Variants in LRRIQ4 observed in about 807,000 individuals in gnomAD.
The protein encoded by LRRIQ4 is leucine rich repeats and IQ motif containing 4.
Under a neutral mutation model 40.1 loss-of-function variants are expected in LRRIQ4, and 21 were observed. That is an observed-to-expected ratio of 0.52 (90% confidence interval 0.37 to 0.75). LRRIQ4 has a LOEUF of 0.75. Ranked by LOEUF, LRRIQ4 falls within the 30% of genes least tolerant of loss-of-function variation. The pLI, the probability that LRRIQ4 is intolerant of heterozygous loss-of-function variation, is 0.00. For synonymous variants in LRRIQ4, 277 were observed against 277.1 expected (o/e 1.00, Z 0.00); for missense variants, 655 against 660.0 (o/e 0.99, Z 0.08).
intron 4 of LRRIQ4, among the ~76,000 whole-genome samples, chr3:169,831,537 C>T (rs182467153): frequency 2.2e-5 from 3 of 134,228 alleles, no homozygotes; most frequent in Admixed American, 8.0e-5. Context: ...CTCCTGACCT[C>T]GTGATCTGCC....
intron 2 of LRRIQ4, among the ~76,000 whole-genome samples, chr3:169,827,287 A>G (rs1423011999): frequency 6.6e-6 from 1 of 152,124 alleles, no homozygotes; most frequent in Non-Finnish European, 1.5e-5. Context: ...AACACAGTCA[A>G]TAGGGTGATT....
chr3:169,834,085 G>A (rs942170796), intron 5 of LRRIQ4, among the ~76,000 whole-genome samples: 2 of 152,204 alleles, frequency 1.3e-5, no homozygotes, highest in Non-Finnish European at 2.9e-5. Flanking sequence ...TTTCAGGCCT[G>A]GCGCGGTGGC....
intron 3 of LRRIQ4, 27 bp downstream of exon 3, chr3:169,828,959 A>G: frequency 6.3e-7 from 1 of 1,580,322 alleles, no homozygotes; most frequent in African/African-American, 1.4e-5. Context: ...GAGCAGGCTA[A>G]GAAGCACCTG....
Position 169,822,543 on chromosome 3 carries a change from G to A in LRRIQ4, c.622G>A (p.Gly208Arg). The change falls in exon 2 of 6, where the codon GGA becomes AGA. Residue 208 changes from glycine to arginine, a missense_variant. Transcript: ENST00000340806. ...AATAGGTGCCATCCCAGAAGAGATCGGACACCTGACGGGGCTGCAGAAGTT... is the reference window on the plus strand; with the variant it reads ...AATAGGTGCCATCCCAGAAGAGATCAGACACCTGACGGGGCTGCAGAAGTT... Reference protein sequence around the residue: ...NKIGAIPEEIGHLTGLQKFYM... With the variant: ...NKIGAIPEEIRHLTGLQKFYM... The A allele has an allele frequency of 2.5e-6, 4 of 1,613,870 alleles. No individual in the cohort carries two copies. Among genetic ancestry groups the A allele is most frequent in the Non-Finnish European group, 3.4e-6 (4 of 1,179,836 alleles).
At chr3:169,814,236 A>G (rs1316246458) in intron 1 of LRRIQ4, among the ~76,000 whole-genome samples, 2 of 152,048 alleles carry the variant, frequency 1.3e-5, no homozygotes, top group Non-Finnish European at 2.9e-5. Context: ...TGGAGTGGAA[A>G]GGTGGTTTTC....
intron 1 of LRRIQ4, among the ~76,000 whole-genome samples, chr3:169,820,577 C>T (rs1381209031): frequency 1.3e-5 from 2 of 148,724 alleles, no homozygotes; most frequent in African/African-American, 5.0e-5. Context: ...CGCTCTGTCG[C>T]CCAGGCTGGA....
At chr3:169,824,989 C>T (rs867831851) in intron 2 of LRRIQ4, among the ~76,000 whole-genome samples, 5 of 150,038 alleles carry the variant, frequency 3.3e-5, no homozygotes, top group African/African-American at 9.9e-5. Flanking sequence ...CTGGGCCTTA[C>T]GGATTTATTT....
At chr3:169,832,896 T>C in intron 4 of LRRIQ4, 91 bp from the exon 5 acceptor site, 28 of 1,143,348 alleles carry the variant, frequency 2.4e-5, no homozygotes, top group Non-Finnish European at 3.4e-5. Context: ...AAATGCAGAA[T>C]TGGATCCCTC....
chr3:169,835,581 C>A (rs999605775), intron 5 of LRRIQ4, among the ~76,000 whole-genome samples: 6 of 152,076 alleles, frequency 3.9e-5, no homozygotes, highest in African/African-American at 1.4e-4. Flanking sequence ...TGTCTTCAAC[C>A]TATCCATGCC....
At chr3:169,821,846 G>A (rs1451219705) in intron 1 of LRRIQ4, 45 bp from the exon 2 acceptor site, 2 of 1,002,384 alleles carry the variant, frequency 2.0e-6, no homozygotes, top group African/African-American at 3.4e-5. Flanking sequence ...CAAGTCTGGT[G>A]GCAGGTAAAT....
chr3:169,823,072 C>A, intron 2 of LRRIQ4, 131 bp downstream of exon 2: 1 of 698,424 alleles, frequency 1.4e-6, no homozygotes, highest in Non-Finnish European at 2.3e-6. Context: ...AAATATCCAA[C>A]AAGGTGATAC....
At chr3:169,818,797 G>A (rs1304283763) in intron 1 of LRRIQ4, among the ~76,000 whole-genome samples, 6 of 152,196 alleles carry the variant, frequency 3.9e-5, no homozygotes, top group Non-Finnish European at 1.5e-5. Context: ...AAGTTCTGCT[G>A]AGTGAAGTTT....
Position 169,822,837 on chromosome 3 carries a change from C to T in LRRIQ4, c.916C>T (p.Arg306Cys). ...RGSFRCLVNLRFLDLSQNHLH... is the reference protein window; with the variant it reads ...RGSFRCLVNLCFLDLSQNHLH... ...CTCCTTCAGGTGCCTGGTCAACTTGCGCTTCCTGGACCTAAGCCAGAACCA... is the reference window on the plus strand; with the variant it reads ...CTCCTTCAGGTGCCTGGTCAACTTGTGCTTCCTGGACCTAAGCCAGAACCA... The change falls in exon 2 of 6, where the codon CGC (arginine) becomes TGC (cysteine). Residue 306 changes from arginine (R) to cysteine (C), a missense_variant. Coordinates refer to ENST00000340806, the MANE Select transcript of LRRIQ4 (RefSeq NM_001080460.3). 1 of 1,613,202 alleles carries T rather than the reference C, an allele frequency of 6.2e-7. No homozygotes were observed. Among genetic ancestry groups the T allele is most frequent in the Non-Finnish European group, 8.5e-7 (1 of 1,179,546 alleles).
chr3:169,825,030 T>C (rs1780010126), intron 2 of LRRIQ4, among the ~76,000 whole-genome samples: 1 of 146,306 alleles, frequency 6.8e-6, no homozygotes, highest in Admixed American at 6.9e-5. Flanking sequence ...TTTTTTGAGA[T>C]GAGCTCTCGC....
At chr3:169,824,979 C>T (rs1228275083) in intron 2 of LRRIQ4, among the ~76,000 whole-genome samples, 2 of 151,486 alleles carry the variant, frequency 1.3e-5, no homozygotes, top group Admixed American at 6.6e-5. Flanking sequence ...TATAAAAGTC[C>T]TGGGCCTTAC....
chr3:169,829,491 T>G (rs1331247147), intron 3 of LRRIQ4, among the ~76,000 whole-genome samples: 1 of 40,746 alleles, frequency 2.5e-5, no homozygotes, highest in Non-Finnish European at 4.1e-5. Flanking sequence ...TAAAGAACTG[T>G]TTTTTTTTTT....
At chr3:169,832,440 C>G (rs1780200387) in intron 4 of LRRIQ4, among the ~76,000 whole-genome samples, 1 of 150,802 alleles carries the variant, frequency 6.6e-6, no homozygotes, top group Non-Finnish European at 1.5e-5. Flanking sequence ...TGCACTCCAG[C>G]CTCGGTGACA....
intron 3 of LRRIQ4, among the ~76,000 whole-genome samples, chr3:169,830,058 T>C (rs1780126520): frequency 6.6e-6 from 1 of 152,186 alleles, no homozygotes; most frequent in Non-Finnish European, 1.5e-5. Context: ...TACATTCAAA[T>C]CCATTCCCTG....
At chr3:169,830,685 A>T in intron 4 of LRRIQ4, 55 bp downstream of exon 4, 1 of 1,599,390 alleles carries the variant, frequency 6.3e-7, no homozygotes. Flanking sequence ...AGCATTTCCT[A>T]TGGCAAATGG....
Sources: allele counts gnomAD v4.1 joint callset (sites outside exome capture counted in the v4.1 genomes callset), GRCh38; gene constraint gnomAD v4.1.1; transcripts MANE v1.5; gene names NCBI Gene and HGNC (gene_info 2026-07-23, HGNC 2026-07-21).